CDC42BPA: variants seen among roughly 807,000 people sequenced by gnomAD.
CDC42BPA encodes CDC42 binding protein kinase alpha.
Under a neutral mutation model 223.5 loss-of-function variants are expected in CDC42BPA, and 80 were observed. The ratio of observed to expected loss-of-function variants is 0.36; its 90% CI spans 0.30 to 0.43. The LOEUF is 0.43. Among genes scored for constraint, CDC42BPA ranks in the 20% least tolerant of loss-of-function variants. CDC42BPA has a pLI of 1.00. For synonymous variants in CDC42BPA, 694 were observed against 718.6 expected (o/e 0.97, Z 0.55); for missense variants, 1,743 against 2,099.9 (o/e 0.83, Z 3.32).
chr1:227,122,931 CTA>C (rs1558546684), intron 11 of CDC42BPA, among the ~76,000 whole-genome samples: 1 of 152,192 alleles, frequency 6.6e-6, no homozygotes, highest in South Asian at 2.1e-4. Context: ...AATCCAGAGA[CTA>C]TTATAAATAC....
In CDC42BPA at chr1:227,258,097, C is replaced by A. The variant is rs562490694; in HGVS notation, c.179-3942G>T. On this transcript the variant is annotated intron_variant, in intron 1 of 36. Coordinates refer to ENST00000366766, the MANE Select transcript of CDC42BPA (RefSeq NM_001394014.1). Reference sequence around the variant, plus strand: ...GACTGAAGTGGGAGGGCCACTTTAGCCCAGGAGATGAAGGCTGCAGTAAGC... The same window carrying A: ...GACTGAAGTGGGAGGGCCACTTTAGACCAGGAGATGAAGGCTGCAGTAAGC... 1.3e-4 allele frequency among the ~76,000 whole-genome samples: 20 copies of A among 148,718 alleles called. 1 individual carries two copies. Among genetic ancestry groups the A allele is most frequent in the African/African-American group, 4.8e-4 (19 of 39,184 alleles).
chr1:227,022,148 C>T (rs1042835439), intron 32 of CDC42BPA, among the ~76,000 whole-genome samples: 21 of 152,036 alleles, frequency 1.4e-4, no homozygotes, highest in African/African-American at 4.6e-4. Context: ...ATTTTAAATA[C>T]TGGCCAGGCG....
At chr1:227,180,026 G>A (rs1667674329) in intron 5 of CDC42BPA, among the ~76,000 whole-genome samples, 1 of 152,050 alleles carries the variant, frequency 6.6e-6, no homozygotes, top group Non-Finnish European at 1.5e-5. Flanking sequence ...GGCCAACATG[G>A]TGAAACCTGT....
chr1:227,093,715 C>T lies in CDC42BPA; in HGVS notation c.2250-1724G>A, dbSNP rs558637242. ...GATTTTTCTTTAAAAACCTGAGCCT[C>T]TTTTTTGTTCTCTGGAGCACTTCTC... On this transcript the variant is annotated intron_variant, in intron 15 of 36. Coordinates refer to ENST00000366766, the MANE Select transcript of CDC42BPA (RefSeq NM_001394014.1). Among the ~76,000 whole-genome samples the T allele has an allele frequency of 6.2e-3, 945 of 152,274 alleles. 3 individuals carry two copies. The highest frequency in any genetic ancestry group is 8.6e-3 in the Non-Finnish European group (586 of 68,022).
At position 227,145,754 on chromosome 1, in the gene CDC42BPA, A is replaced by G. The variant is rs1157825897; in HGVS notation, c.895-17T>C. The G allele has an allele frequency of 1.3e-6, 2 of 1,593,334 alleles. No homozygotes were observed. The highest frequency in any genetic ancestry group is 1.4e-5 in the African/African-American group (1 of 74,032). On this transcript the variant is annotated splice_polypyrimidine_tract_variant and intron_variant, in intron 7 of 36. Transcript: ENST00000366766. ...AAACCTCTCCTAAACAGAGAAAAACAGAAACAAAATATAAATCAGTGTTTA... is the reference window on the plus strand; with the variant it reads ...AAACCTCTCCTAAACAGAGAAAAACGGAAACAAAATATAAATCAGTGTTTA...
intron 12 of CDC42BPA, among the ~76,000 whole-genome samples, chr1:227,116,621 T>G (rs1405159767): frequency 6.6e-6 from 1 of 152,188 alleles, no homozygotes; most frequent in African/African-American, 2.4e-5. Flanking sequence ...AAGAACATTT[T>G]AAAAGAACTT....
intron 16 of CDC42BPA, among the ~76,000 whole-genome samples, chr1:227,083,213 T>C (rs11799413): frequency 0.15 from 23,435 of 152,076 alleles, 2,189 homozygotes; most frequent in African/African-American, 0.25. Flanking sequence ...TCACATCCTC[T>C]ATGTCTTAGA....
At chr1:227,098,063 T>C (rs1198203020) in intron 15 of CDC42BPA, among the ~76,000 whole-genome samples, 2 of 152,044 alleles carry the variant, frequency 1.3e-5, no homozygotes, top group African/African-American at 4.8e-5. Flanking sequence ...CCCTGTCTTA[T>C]GCCCCTTGGT....
Position 227,267,626 on chromosome 1 carries a change from T to G in CDC42BPA, c.179-13471A>C, listed in dbSNP as rs542838029. ...CTGGGTAATTTATAAACAAAAGAGG[T>G]TTAATTGACTTACAGTTCCACATGG... On this transcript the variant is annotated intron_variant, in intron 1 of 36. Coordinates refer to ENST00000366766, the MANE Select transcript of CDC42BPA (RefSeq NM_001394014.1). 9.9e-5 allele frequency among the ~76,000 whole-genome samples: 15 copies of G among 152,076 alleles called. No individual in the cohort carries two copies. The South Asian group carries it at 3.1e-3, about 32-fold the overall frequency.
chr1:227,044,217 G>A (rs1478993826), intron 23 of CDC42BPA, among the ~76,000 whole-genome samples: 1 of 152,138 alleles, frequency 6.6e-6, no homozygotes, highest in African/African-American at 2.4e-5. Context: ...TGGAGTTGCA[G>A]GAGTTTCTTA....
chr1:227,120,939 A>T (rs12079759), intron 11 of CDC42BPA, among the ~76,000 whole-genome samples: 2 of 152,268 alleles, frequency 1.3e-5, no homozygotes, highest in South Asian at 2.1e-4. Flanking sequence ...TCAGATTCTC[A>T]TAAGAGGCAT....
At chr1:227,263,929 T>G (rs1684540466) in intron 1 of CDC42BPA, among the ~76,000 whole-genome samples, 1 of 152,100 alleles carries the variant, frequency 6.6e-6, no homozygotes. Context: ...AAAGAATGAG[T>G]GTAATCTGGA....
At chr1:227,049,775 C>T (rs945034841) in intron 22 of CDC42BPA, among the ~76,000 whole-genome samples, 4 of 151,960 alleles carry the variant, frequency 2.6e-5, no homozygotes, top group Non-Finnish European at 5.9e-5. Context: ...CATTACAAAT[C>T]GATGGGGGGA....
In CDC42BPA at chr1:227,021,365, T is replaced by C. The variant is rs146631183; in HGVS notation, c.4615+1898A>G. Reference sequence around the variant, plus strand: ...TAAAACTAAGTATGGGTCTTGGAAGTGAAGCATCTAAAGCTTACATTTCAT... The same window carrying C: ...TAAAACTAAGTATGGGTCTTGGAAGCGAAGCATCTAAAGCTTACATTTCAT... On this transcript the variant is annotated intron_variant, in intron 32 of 36. Coordinates refer to ENST00000366766, the MANE Select transcript of CDC42BPA (RefSeq NM_001394014.1). 6.0e-3 allele frequency among the ~76,000 whole-genome samples: 908 copies of C among 152,260 alleles called. 9 individuals carry two copies. Among genetic ancestry groups the C allele is most frequent in the African/African-American group, 0.021 (855 of 41,542 alleles).
At position 226,993,369 on chromosome 1, in the gene CDC42BPA, G is replaced by A. The variant is rs1345281906; in HGVS notation, c.*899C>T. On this transcript the variant is annotated 3_prime_UTR_variant, in exon 37 of 37. Transcript: ENST00000366766. ...CCACCACTAGGAAAAGAAACATCTT[G>A]GGTAGAGATGAGTTCGCCTTTTGCT... The A allele has an allele frequency of 1.3e-5, 2 of 152,192 alleles. No homozygotes were observed. The highest frequency in any genetic ancestry group is 2.9e-5 in the Non-Finnish European group (2 of 68,036). 9.4% of individuals were successfully genotyped at this position (152,192 alleles called of 1,614,324 possible).
At chr1:227,040,056 C>T (rs529936860) in intron 24 of CDC42BPA, 75 bp downstream of exon 24, 1 of 919,872 alleles carries the variant, frequency 1.1e-6, no homozygotes, top group Non-Finnish European at 1.8e-6. Context: ...CATTTATACA[C>T]CTTTGAAAGA....
intron 1 of CDC42BPA, among the ~76,000 whole-genome samples, chr1:227,277,334 T>C (rs936530788): frequency 1.3e-5 from 2 of 152,156 alleles, no homozygotes; most frequent in African/African-American, 2.4e-5. Context: ...TCACTAAATT[T>C]TTCCAAACGT....
At position 227,098,395 on chromosome 1, in the gene CDC42BPA, T is replaced by C. The variant is rs575515633; in HGVS notation, c.2249+2597A>G. Among the ~76,000 whole-genome samples, 3 of 152,274 alleles carry C rather than the reference T, an allele frequency of 2.0e-5. No individual in the cohort carries two copies. The East Asian group carries it at 5.8e-4, about 29-fold the overall frequency. On this transcript the variant is annotated intron_variant, in intron 15 of 36. Coordinates refer to ENST00000366766, the MANE Select transcript of CDC42BPA (RefSeq NM_001394014.1). ...CCCCAAATCCAGGCTGGTCTATACA[T>C]CAGCCTATTTGACATCTCCAACTGA...
chr1:226,997,442 T>C (rs1248937478), intron 35 of CDC42BPA, among the ~76,000 whole-genome samples: 1 of 152,194 alleles, frequency 6.6e-6, no homozygotes, highest in Non-Finnish European at 1.5e-5. Flanking sequence ...TTCGTGTCTC[T>C]ATCTCCTTCA....
Sources: allele counts gnomAD v4.1 joint callset (sites outside exome capture counted in the v4.1 genomes callset), GRCh38; gene constraint gnomAD v4.1.1; transcripts MANE v1.5; gene names NCBI Gene and HGNC (gene_info 2026-07-23, HGNC 2026-07-21).